The following KDM4C variants were observed in gnomAD, a reference collection of about 807,000 sequenced individuals.
KDM4C encodes lysine demethylase 4C.
In KDM4C, 81 loss-of-function variants were observed where a neutral mutation model predicts 129.3. The observed-to-expected ratio is 0.63, with a 90% CI of 0.52 to 0.75. The LOEUF is 0.75. KDM4C is among the 30% of genes least tolerant of loss of function. KDM4C has a pLI of 0.00. For missense variants in KDM4C, 1,457 were observed against 1,304.0 expected, an observed-to-expected ratio of 1.12 and a Z score of -1.81; for synonymous variants, 573 against 456.1, an observed-to-expected ratio of 1.26 and a Z score of -3.26.
rs897880415 is a variant in KDM4C at position 6,981,233 on chromosome 9, C to A, written c.1115+115C>A. 14 of 730,786 alleles carry A rather than the reference C, an allele frequency of 1.9e-5. No homozygotes were observed. In the African/African-American group the frequency reaches 2.1e-4, roughly 11 times the overall value. 45.3% of individuals were successfully genotyped at this position (730,786 alleles called of 1,614,324 possible). A position where few individuals can be genotyped will look rare whatever the true frequency, so the allele number is the denominator to read the frequency against. On this transcript the variant is annotated intron_variant, in intron 9 of 21. Coordinates refer to ENST00000381309, the MANE Select transcript of KDM4C (RefSeq NM_015061.6). ...TCTATTTATTCATCATAACTTAATA[C>A]CTTTCTGAAAATGTGAGACATTATT...
chr9:6,987,568 C>T (rs891328118), intron 11 of KDM4C, among the ~76,000 whole-genome samples: 10 of 152,142 alleles, frequency 6.6e-5, no homozygotes, highest in African/African-American at 2.4e-4. Context: ...GCAGAACAGA[C>T]ACTGCTCCTG....
intron 5 of KDM4C, among the ~76,000 whole-genome samples, chr9:6,863,244 T>G (rs185227117): frequency 1.3e-5 from 2 of 152,298 alleles, no homozygotes; most frequent in East Asian, 3.9e-4. Flanking sequence ...AGTAGGTTGC[T>G]GTAGTTATTG....
At chr9:6,958,755 G>A (rs1165433136) in intron 8 of KDM4C, among the ~76,000 whole-genome samples, 1 of 146,640 alleles carries the variant, frequency 6.8e-6, no homozygotes, top group Non-Finnish European at 1.5e-5. Flanking sequence ...CATGTTCATG[G>A]CTCACTGCAA....
At chr9:7,055,146 C>A (rs1830699443) in intron 17 of KDM4C, among the ~76,000 whole-genome samples, 1 of 152,132 alleles carries the variant, frequency 6.6e-6, no homozygotes. Context: ...CCACTGCACT[C>A]CATCCTGGCG....
chr9:7,151,953 A>T (rs1413450040), intron 19 of KDM4C, among the ~76,000 whole-genome samples: 1 of 152,194 alleles, frequency 6.6e-6, no homozygotes, highest in Non-Finnish European at 1.5e-5. Context: ...TTATACACAG[A>T]ATGTATAGTT....
intron 8 of KDM4C, among the ~76,000 whole-genome samples, chr9:6,910,473 A>G (rs1819090116): frequency 6.6e-6 from 1 of 152,220 alleles, no homozygotes; most frequent in Admixed American, 6.5e-5. Flanking sequence ...TGGGCAAAAG[A>G]CAGGCAGTTC....
At chr9:6,874,199 A>G (rs1232920202) in intron 5 of KDM4C, among the ~76,000 whole-genome samples, 2 of 152,234 alleles carry the variant, frequency 1.3e-5, no homozygotes, top group East Asian at 3.8e-4. Flanking sequence ...AATGCCACAG[A>G]TAGGCTTGGT....
At chr9:6,755,098 A>G (rs935169208), upstream of KDM4C, among the ~76,000 whole-genome samples, 2 of 152,012 alleles carry the variant, frequency 1.3e-5, no homozygotes, top group African/African-American at 4.8e-5. Flanking sequence ...TAGGCCGGGC[A>G]TGGTGGCTCA....
intron 4 of KDM4C, chr9:6,834,417 A>C (rs998926786): frequency 4.9e-6 from 2 of 412,026 alleles, no homozygotes; most frequent in African/African-American, 4.1e-5. Flanking sequence ...CCTGGCCCTC[A>C]CTGCTCTGCT....
chr9:7,110,899 C>A (rs935404804), intron 18 of KDM4C, among the ~76,000 whole-genome samples: 15 of 152,234 alleles, frequency 9.9e-5, no homozygotes, highest in Non-Finnish European at 2.2e-4. Flanking sequence ...CTTTCTTATC[C>A]CAGCACTTGT....
chr9:6,922,081 C>G (rs1039107334), intron 8 of KDM4C, among the ~76,000 whole-genome samples: 2 of 152,200 alleles, frequency 1.3e-5, no homozygotes, highest in Non-Finnish European at 2.9e-5. Context: ...AGCACCATAA[C>G]TTGTACATAG....
At chr9:6,873,226 A>G (rs1843031727) in intron 5 of KDM4C, among the ~76,000 whole-genome samples, 1 of 152,048 alleles carries the variant, frequency 6.6e-6, no homozygotes, top group African/African-American at 2.4e-5. Context: ...TGAACTCCTG[A>G]CCTCAGGTGA....
intron 8 of KDM4C, among the ~76,000 whole-genome samples, chr9:6,973,581 A>G (rs1175327177): frequency 2.6e-5 from 4 of 152,212 alleles, no homozygotes; most frequent in Non-Finnish European, 5.9e-5. Context: ...TATGACATAT[A>G]GCATTTAAAA....
chr9:6,735,452 A>G (rs1475720864), intron 1 of KDM4C, among the ~76,000 whole-genome samples: 2 of 152,160 alleles, frequency 1.3e-5, no homozygotes, highest in Non-Finnish European at 2.9e-5. Flanking sequence ...AACTCCCATA[A>G]TTCCCACATA....
chr9:7,070,216 T>C (rs1355046059), intron 17 of KDM4C, among the ~76,000 whole-genome samples: 1 of 152,138 alleles, frequency 6.6e-6, no homozygotes, highest in Non-Finnish European at 1.5e-5. Context: ...ATTAATGGAG[T>C]TGAATTTGTA....
At chr9:6,808,585 A>C (rs1263486457) in intron 3 of KDM4C, among the ~76,000 whole-genome samples, 1 of 148,876 alleles carries the variant, frequency 6.7e-6, no homozygotes, top group Non-Finnish European at 1.5e-5. Context: ...CTGCCTAGGA[A>C]AACCAGAGAC....
intron 18 of KDM4C, among the ~76,000 whole-genome samples, chr9:7,127,393 C>G (rs907975135): frequency 1.3e-5 from 2 of 152,022 alleles, no homozygotes; most frequent in South Asian, 2.1e-4. Context: ...TCAGAATATC[C>G]TGAGAACAAG....
At chr9:7,004,637 A>G (rs1445367236) in intron 12 of KDM4C, among the ~76,000 whole-genome samples, 2 of 152,214 alleles carry the variant, frequency 1.3e-5, no homozygotes, top group East Asian at 1.9e-4. Flanking sequence ...TTTGTAAAAG[A>G]CATTAATTTC....
intron 2 of KDM4C, among the ~76,000 whole-genome samples, chr9:6,795,012 T>C (rs1393809066): frequency 6.6e-6 from 1 of 152,234 alleles, no homozygotes; most frequent in Non-Finnish European, 1.5e-5. Flanking sequence ...TTATTATTGT[T>C]CTAAATGTTA....
Sources: allele counts gnomAD v4.1 joint callset (sites outside exome capture counted in the v4.1 genomes callset), GRCh38; gene constraint gnomAD v4.1.1; transcripts MANE v1.5; gene names NCBI Gene and HGNC (gene_info 2026-07-23, HGNC 2026-07-21).